PCDH11X: variants seen among roughly 807,000 people sequenced by gnomAD.
PCDH11X encodes the protein protocadherin-11 X-linked.
In PCDH11X, 18 loss-of-function variants were observed where a neutral mutation model predicts 53.3. The ratio of observed to expected loss-of-function variants is 0.34; its 90% CI spans 0.23 to 0.50. The LOEUF (loss-of-function observed/expected upper bound fraction) is 0.50, where lower values mean the gene tolerates loss of function less well. Ranked by LOEUF, PCDH11X falls within the 20% of genes least tolerant of loss-of-function variation. The pLI is 0.98. For synonymous variants in PCDH11X, 279 were observed against 393.3 expected (o/e 0.71, Z 3.44); for missense variants, 570 against 1,032.4 (o/e 0.55, Z 6.14).
intron 8 of PCDH11X, among the ~76,000 whole-genome samples, chrX:92,326,296 T>C (rs967361897): frequency 9.2e-6 from 1 of 108,885 alleles, no homozygotes; most frequent in African/African-American, 3.4e-5. Flanking sequence ...ACAGGGAGGC[T>C]GAAAGATCCA....
At chrX:92,598,364 A>G (rs1033494179) in intron 10 of PCDH11X, among the ~76,000 whole-genome samples, 3 of 111,648 alleles carry the variant, frequency 2.7e-5, no homozygotes, top group Admixed American at 9.5e-5. Flanking sequence ...AAAAACACTA[A>G]TAATTTAATC....
At chrX:92,319,177 T>C (rs934072452) in intron 8 of PCDH11X, among the ~76,000 whole-genome samples, 10 of 111,943 alleles carry the variant, frequency 8.9e-5, no homozygotes, top group African/African-American at 3.2e-4. Context: ...TTTTCTTTCC[T>C]TTTGTTCATG....
intron 9 of PCDH11X, among the ~76,000 whole-genome samples, chrX:92,467,462 G>A (rs2073178276): frequency 9.0e-6 from 1 of 110,981 alleles, no homozygotes; most frequent in East Asian, 2.8e-4. Flanking sequence ...ATGCAGATGT[G>A]ATCAGGAAAT....
At chrX:91,890,964 G>T (rs1940450066) in intron 6 of PCDH11X, among the ~76,000 whole-genome samples, 2 of 104,219 alleles carry the variant, frequency 1.9e-5, no homozygotes, top group African/African-American at 7.1e-5. Context: ...TTTTCAGATT[G>T]GGCAATGTAT....
intron 6 of PCDH11X, among the ~76,000 whole-genome samples, chrX:92,055,427 A>G (rs2148054208): frequency 1.3e-5 from 1 of 78,950 alleles, no homozygotes; most frequent in South Asian, 8.2e-4. Context: ...GGAATGAAAG[A>G]GAGACTATGA....
intron 6 of PCDH11X, among the ~76,000 whole-genome samples, chrX:92,000,828 T>C (rs1481923627): frequency 2.3e-5 from 2 of 86,640 alleles, no homozygotes; most frequent in African/African-American, 8.5e-5. Context: ...GACCATGCCA[T>C]GTTTGTCTTT....
At chrX:92,297,989 T>G (rs1187980451) in intron 8 of PCDH11X, among the ~76,000 whole-genome samples, 2 of 110,153 alleles carry the variant, frequency 1.8e-5, no homozygotes, top group Admixed American at 9.8e-5. Context: ...TTTTGTACAT[T>G]GATTTTGTAT....
chrX:92,223,881 A>G (rs2066923978), intron 7 of PCDH11X, among the ~76,000 whole-genome samples: 1 of 111,370 alleles, frequency 9.0e-6, no homozygotes, highest in Non-Finnish European at 1.9e-5. Context: ...GTGTATTTAC[A>G]TAAATGGGAA....
At chrX:92,615,058 G>A (rs763993366) in intron 10 of PCDH11X, among the ~76,000 whole-genome samples, 1 of 111,608 alleles carries the variant, frequency 9.0e-6, no homozygotes, top group Admixed American at 9.5e-5. Context: ...CAACAAGGGC[G>A]GGGTTGCTCA....
At chrX:92,601,773 C>T (rs1237203285) in intron 10 of PCDH11X, among the ~76,000 whole-genome samples, 1 of 109,805 alleles carries the variant, frequency 9.1e-6, no homozygotes, top group East Asian at 2.9e-4. Flanking sequence ...CCATATCTCG[C>T]CACACAATTT....
chrX:92,121,084 T>C (rs1428744327), intron 6 of PCDH11X, among the ~76,000 whole-genome samples: 1 of 111,670 alleles, frequency 9.0e-6, no homozygotes, highest in African/African-American at 3.3e-5. Context: ...GAGTTATGTA[T>C]TTTTAAATTT....
chrX:92,021,958 A>G (rs1271548531), intron 6 of PCDH11X, among the ~76,000 whole-genome samples: 1 of 108,418 alleles, frequency 9.2e-6, no homozygotes, highest in Admixed American at 1.0e-4. Context: ...TCTGTTCCAG[A>G]CAAGCAAATA....
At chrX:92,484,131 A>T (rs1225985125) in intron 10 of PCDH11X, among the ~76,000 whole-genome samples, 1 of 58,047 alleles carries the variant, frequency 1.7e-5, no homozygotes, top group Non-Finnish European at 3.4e-5. Context: ...ATATATATGT[A>T]TATATGTATG....
intron 10 of PCDH11X, among the ~76,000 whole-genome samples, chrX:92,529,245 T>C (rs917749241): frequency 6.3e-5 from 7 of 111,834 alleles, no homozygotes; most frequent in Non-Finnish European, 1.3e-4. Flanking sequence ...TTATTAATGC[T>C]AGATGCATTA....
chrX:92,089,836 T>C (rs1450799562), intron 6 of PCDH11X, among the ~76,000 whole-genome samples: 3 of 109,775 alleles, frequency 2.7e-5, no homozygotes, highest in Non-Finnish European at 5.7e-5. Flanking sequence ...AGTTGTTTTT[T>C]AAACCTTTTC....
chrX:92,548,922 A>G (rs773125272), intron 10 of PCDH11X, among the ~76,000 whole-genome samples: 2 of 107,790 alleles, frequency 1.9e-5, no homozygotes, highest in South Asian at 8.4e-4. Context: ...GTCTTTAAAA[A>G]TATCTAATCA....
intron 9 of PCDH11X, among the ~76,000 whole-genome samples, chrX:92,435,114 A>C (rs750145488): frequency 1.8e-5 from 2 of 111,359 alleles, no homozygotes; most frequent in South Asian, 7.6e-4. Context: ...GAATCATAAT[A>C]AAATGATACA....
intron 10 of PCDH11X, among the ~76,000 whole-genome samples, chrX:92,507,931 G>A (rs1431969849): frequency 9.1e-6 from 1 of 109,432 alleles, no homozygotes; most frequent in Non-Finnish European, 1.9e-5. Flanking sequence ...TCCTGCCTCA[G>A]CCTCCCCAGT....
chrX:92,311,962 A>G (rs2068960703), intron 8 of PCDH11X, among the ~76,000 whole-genome samples: 1 of 111,836 alleles, frequency 8.9e-6, no homozygotes, highest in Admixed American at 9.5e-5. Flanking sequence ...AAGAAAAGAA[A>G]CATTAGTTAC....
Sources: gnomAD v4.1 joint callset for allele counts (sites outside exome capture counted in the v4.1 genomes callset) on GRCh38, gnomAD v4.1.1 for gene constraint, MANE v1.5 for transcripts, NCBI Gene and HGNC (gene_info 2026-07-23, HGNC 2026-07-21) for gene names.